Variants in COTL1 observed in about 807,000 individuals in gnomAD.
COTL1 encodes coactosin like F-actin binding protein 1.
In COTL1, 15 loss-of-function variants were observed where a neutral mutation model predicts 16.5. That is an observed-to-expected ratio of 0.91 (90% CI 0.61 to 1.40). The LOEUF (loss-of-function observed/expected upper bound fraction) is 1.40, where lower values mean the gene tolerates loss of function less well. COTL1 is among the 40% of genes most tolerant of loss of function. COTL1 has a pLI of 0.00. For missense variants in COTL1, 220 were observed against 201.5 expected (o/e 1.09, Z -0.56); for synonymous variants, 112 against 85.3 (o/e 1.31, Z -1.73).
At chr16:84,611,469 T>C (rs910243960) in intron 2 of COTL1, among the ~76,000 whole-genome samples, 1 of 152,180 alleles carries the variant, frequency 6.6e-6, no homozygotes, top group Non-Finnish European at 1.5e-5. Context: ...CCTTTTGTAG[T>C]AGAATTACAT....
intron 3 of COTL1, among the ~76,000 whole-genome samples, chr16:84,577,321 T>G (rs568715379): frequency 6.6e-6 from 1 of 152,218 alleles, no homozygotes. Context: ...CTCGGCTCAC[T>G]GCAACCTCCA....
At chr16:84,594,154 C>T (rs377120572) in intron 2 of COTL1, among the ~76,000 whole-genome samples, 1 of 149,676 alleles carries the variant, frequency 6.7e-6, no homozygotes, top group Non-Finnish European at 1.5e-5. Flanking sequence ...GGAGAGAGCA[C>T]ATTTTGCTTA....
chr16:84,568,796 A>T (rs1203867183), intron 3 of COTL1: 1 of 152,230 alleles, frequency 6.6e-6, no homozygotes, highest in East Asian at 1.9e-4. Flanking sequence ...TTCTTTTTAA[A>T]AAGGCCCGTA....
chr16:84,613,447 C>G (rs371064583), intron 2 of COTL1, among the ~76,000 whole-genome samples: 1 of 151,996 alleles, frequency 6.6e-6, no homozygotes, highest in African/African-American at 2.4e-5. Context: ...AGCACCAAGA[C>G]GGGAAATGTT....
intron 2 of COTL1, among the ~76,000 whole-genome samples, chr16:84,611,313 G>C (rs1393553897): frequency 6.6e-6 from 1 of 152,228 alleles, no homozygotes; most frequent in Non-Finnish European, 1.5e-5. Context: ...TCCATGGATA[G>C]AGGATTGCTT....
At chr16:84,586,032 C>T (rs899597242) in intron 3 of COTL1, among the ~76,000 whole-genome samples, 2 of 152,172 alleles carry the variant, frequency 1.3e-5, no homozygotes, top group Non-Finnish European at 2.9e-5. Flanking sequence ...GTGACCCAAG[C>T]TGGGCCAATC....
rs184494500 is a variant in COTL1, at chr16:84,590,594, C to T, written c.161-332G>A. 125 of 191,400 alleles carry T rather than the reference C, an allele frequency of 6.5e-4. No homozygotes were observed. The highest frequency in any genetic ancestry group is 2.4e-3 in the African/African-American group (105 of 43,082). 11.9% of individuals were successfully genotyped at this position (191,400 alleles called of 1,614,324 possible). ...TAAACCCAGGCCTTTCTGGCTGCAACGCCTACAGCCTTCCTACAATCAAGG... is the reference window on the plus strand; with the variant it reads ...TAAACCCAGGCCTTTCTGGCTGCAATGCCTACAGCCTTCCTACAATCAAGG... On this transcript the variant is annotated intron_variant, in intron 2 of 3. Coordinates refer to ENST00000262428, the MANE Select transcript of COTL1 (RefSeq NM_021149.5). The surrounding 1 kb of genome is among the most constrained non-coding windows in gnomAD (Gnocchi z 5.5).
intron 2 of COTL1, among the ~76,000 whole-genome samples, chr16:84,613,046 G>A (rs1475449286): frequency 3.3e-5 from 5 of 151,028 alleles, no homozygotes; most frequent in African/African-American, 9.8e-5. Context: ...TGCTGCCCAG[G>A]CTAGAGTACA....
At chr16:84,598,582 C>G (rs1022317773) in intron 2 of COTL1, among the ~76,000 whole-genome samples, 3 of 152,006 alleles carry the variant, frequency 2.0e-5, no homozygotes, top group Non-Finnish European at 2.9e-5. Context: ...GACCTTTCCC[C>G]TGGGTCCTGG....
chr16:84,574,541 T>C (rs1381225934), intron 3 of COTL1, among the ~76,000 whole-genome samples: 1 of 152,244 alleles, frequency 6.6e-6, no homozygotes, highest in Non-Finnish European at 1.5e-5. Context: ...TGAAGCTGCT[T>C]GAATGGTTTG....
chr16:84,617,699 G>C (rs1347871705), intron 1 of COTL1, 116 bp from the exon 2 acceptor site: 2 of 1,361,748 alleles, frequency 1.5e-6, no homozygotes, highest in Non-Finnish European at 2.0e-6. Flanking sequence ...GCCCGCGGGG[G>C]CCTGGCACGC....
At chr16:84,610,419 T>G (rs35241774) in intron 2 of COTL1, among the ~76,000 whole-genome samples, 42,651 of 152,026 alleles carry the variant, frequency 0.28, 6,365 homozygotes, top group East Asian at 0.44. Flanking sequence ...TCCTGAGTTC[T>G]CAGACAGGTA....
At chr16:84,616,096 C>G (rs1418124007) in intron 2 of COTL1, 1 of 152,226 alleles carries the variant, frequency 6.6e-6, no homozygotes, top group Non-Finnish European at 1.5e-5. Context: ...TACTGACTCA[C>G]TTATCCTCGC....
intron 3 of COTL1, among the ~76,000 whole-genome samples, chr16:84,583,382 G>A (rs1008715645): frequency 6.6e-6 from 1 of 152,330 alleles, no homozygotes; most frequent in African/African-American, 2.4e-5. Flanking sequence ...CCCAAAAGAG[G>A]CCCTCAGAGG....
intron 2 of COTL1, among the ~76,000 whole-genome samples, chr16:84,599,551 T>C (rs537831038): frequency 7.9e-5 from 12 of 152,272 alleles, no homozygotes; most frequent in African/African-American, 2.4e-4. Flanking sequence ...AGGCATGTCA[T>C]AGGCACCTTA....
chr16:84,570,228 A>T (rs1030522251), intron 3 of COTL1, among the ~76,000 whole-genome samples: 36 of 152,352 alleles, frequency 2.4e-4, no homozygotes, highest in African/African-American at 8.2e-4. Context: ...GTGAGCCAAG[A>T]TGGCGCCACT....
chr16:84,573,672 G>A (rs1029746523), intron 3 of COTL1, among the ~76,000 whole-genome samples: 1 of 151,444 alleles, frequency 6.6e-6, no homozygotes, highest in South Asian at 2.1e-4. Flanking sequence ...CCGGGGAGGC[G>A]GAAGTTGCAG....
In COTL1 at chr16:84,617,893, CTT is replaced by C. The variant is rs1429923172; in HGVS notation, c.20_21del (p.Lys7ArgfsTer23). On this transcript the variant is annotated frameshift_variant, in exon 1 of 4. Coordinates refer to ENST00000262428, the MANE Select transcript of COTL1 (RefSeq NM_021149.5). LOFTEE classifies it high-confidence loss of function. Reference protein sequence around the residue: MATKIDKEACRAAYNLV... With the variant: MATKIDXEACRAAYNLV... Reference sequence around the variant, plus strand: ...AGGTTGTACGCCGCCCGGCAAGCCTCTTTGTCGATCTTGGTGGCCATCGCCGC... The same window carrying C: ...AGGTTGTACGCCGCCCGGCAAGCCTCTGTCGATCTTGGTGGCCATCGCCGC... 1.9e-6 allele frequency: 3 copies of C among 1,564,082 alleles called. No homozygotes were observed. Among genetic ancestry groups the C allele is most frequent in the Non-Finnish European group, 2.6e-6 (3 of 1,155,444 alleles).
At chr16:84,569,371 C>T (rs1377867702) in intron 3 of COTL1, among the ~76,000 whole-genome samples, 1 of 152,000 alleles carries the variant, frequency 6.6e-6, no homozygotes, top group Non-Finnish European at 1.5e-5. Context: ...ATGAATTCCA[C>T]CACAATTAAA....
Sources: gnomAD v4.1 joint callset for allele counts (sites outside exome capture counted in the v4.1 genomes callset) on GRCh38, gnomAD v4.1.1 for gene constraint, Gnocchi (gnomAD v3.1) non-coding constraint, MANE v1.5 for transcripts, NCBI Gene and HGNC (gene_info 2026-07-23, HGNC 2026-07-21) for gene names.